CDH19: variants seen among roughly 807,000 people sequenced by gnomAD.
CDH19 encodes cadherin-19.
CDH19 carries 67 observed loss-of-function variants against 64.2 expected under a neutral mutation model. The ratio of observed to expected loss-of-function variants is 1.04; its 90% CI spans 0.86 to 1.28. CDH19 has a LOEUF of 1.28. CDH19 is among the 50% of genes most tolerant of loss of function. The pLI, the probability that CDH19 is intolerant of heterozygous loss-of-function variation, is 0.00. For synonymous variants in CDH19, 346 were observed against 319.3 expected (o/e 1.08, Z -0.89); for missense variants, 1,030 against 929.0 (o/e 1.11, Z -1.41).
At chr18:66,556,098 T>C (rs917009383) in intron 3 of CDH19, among the ~76,000 whole-genome samples, 4 of 151,854 alleles carry the variant, frequency 2.6e-5, no homozygotes, top group Non-Finnish European at 5.9e-5. Flanking sequence ...AAATATGTCA[T>C]ACAGTTAGGT....
chr18:66,556,462 CTCTA>C (rs1341107027), intron 3 of CDH19, among the ~76,000 whole-genome samples: 4 of 151,696 alleles, frequency 2.6e-5, no homozygotes, highest in Non-Finnish European at 2.9e-5. Flanking sequence ...TTATTTTATT[CTCTA>C]TCTTTCTATA....
At chr18:66,589,269 CAT>C (rs778023388) in intron 1 of CDH19, among the ~76,000 whole-genome samples, 21 of 149,014 alleles carry the variant, frequency 1.4e-4, no homozygotes, top group African/African-American at 3.9e-4. Context: ...TATATACACA[CAT>C]ATATATATAT....
chr18:66,507,619 A>G (rs1043877146), intron 11 of CDH19, among the ~76,000 whole-genome samples: 7 of 151,910 alleles, frequency 4.6e-5, no homozygotes, highest in Non-Finnish European at 1.0e-4. Flanking sequence ...GCTTATAAAA[A>G]CAGTGATAGC....
At position 66,565,132 on chromosome 18, in the gene CDH19, T is replaced by A. The variant is rs190982191; in HGVS notation, c.490+3284A>T. Among the ~76,000 whole-genome samples the A allele has an allele frequency of 1.4e-3, 209 of 152,050 alleles. 2 individuals carry two copies. Among genetic ancestry groups the A allele is most frequent in the Non-Finnish European group, 2.5e-3 (168 of 67,902 alleles). On this transcript the variant is annotated intron_variant, in intron 3 of 11. Coordinates refer to ENST00000262150, the MANE Select transcript of CDH19 (RefSeq NM_021153.4). Reference sequence around the variant, plus strand: ...CTATGACTTGTGGTCTAATAAATCTTATATTTTTGGATGGCAGAAAAATAG... The same window carrying A: ...CTATGACTTGTGGTCTAATAAATCTAATATTTTTGGATGGCAGAAAAATAG...
In CDH19 at chr18:66,503,198, A is replaced by G. The variant is rs1030365027; in HGVS notation, c.*1614T>C. On this transcript the variant is annotated 3_prime_UTR_variant, in exon 12 of 12. Coordinates refer to ENST00000262150, the MANE Select transcript of CDH19 (RefSeq NM_021153.4). The stretch of plus-strand genomic sequence containing the variant: ...CCTTGATTTGGATAGAATAATAAAG[A>G]TCATTCTTAAAAGGTCGATTAAAAT... 6.6e-5 allele frequency: 10 copies of G among 151,994 alleles called. No individual in the cohort carries two copies. The highest frequency in any genetic ancestry group is 2.4e-4 in the African/African-American group (10 of 41,558). The allele number at this position is 151,994 out of a possible 1,614,324, so 9.4% of individuals were successfully genotyped here. A position where few individuals can be genotyped will look rare whatever the true frequency, so the allele number is the denominator to read the frequency against.
chr18:66,577,694 A>T (rs1988305962), intron 1 of CDH19, among the ~76,000 whole-genome samples: 1 of 151,926 alleles, frequency 6.6e-6, no homozygotes, highest in Non-Finnish European at 1.5e-5. Flanking sequence ...TCTGTATCAG[A>T]TCCCATTGCT....
intron 5 of CDH19, among the ~76,000 whole-genome samples, chr18:66,549,953 G>T (rs1329012128): frequency 1.3e-5 from 2 of 152,040 alleles, no homozygotes; most frequent in African/African-American, 4.8e-5. Context: ...CATTAAAAAT[G>T]ACATGATTTC....
At chr18:66,591,070 T>G (rs570125247) in intron 1 of CDH19, among the ~76,000 whole-genome samples, 19 of 152,050 alleles carry the variant, frequency 1.2e-4, no homozygotes, top group African/African-American at 4.3e-4. Flanking sequence ...TGTACCTCCA[T>G]GATACCATAG....
At chr18:66,578,949 G>A (rs184413833) in intron 1 of CDH19, among the ~76,000 whole-genome samples, 6 of 152,054 alleles carry the variant, frequency 3.9e-5, no homozygotes, top group Non-Finnish European at 8.8e-5. Flanking sequence ...CATAGTGACT[G>A]AAATCAGACT....
intron 1 of CDH19, among the ~76,000 whole-genome samples, chr18:66,575,583 A>G (rs1194339973): frequency 6.6e-6 from 1 of 151,878 alleles, no homozygotes; most frequent in Non-Finnish European, 1.5e-5. Flanking sequence ...ACCAGGCCTG[A>G]ACAAATCACA....
chr18:66,510,522 T>C (rs915873492), intron 10 of CDH19, among the ~76,000 whole-genome samples: 3 of 147,242 alleles, frequency 2.0e-5, no homozygotes, highest in African/African-American at 7.4e-5. Flanking sequence ...TAAAATATAA[T>C]TTTTAACTTA....
chr18:66,572,028 A>G lies in CDH19; in HGVS notation c.177T>C (p.Thr59=). Residue 59 remains threonine (T), a synonymous_variant, in exon 2 of 12, where the codon ACT becomes ACC. Coordinates refer to ENST00000262150, the MANE Select transcript of CDH19 (RefSeq NM_021153.4). Reference sequence around the variant, plus strand: ...TAAGTACCTGGCCGATGTGATGACTAGTCGTATTCATTTCCTCTGGTACAA... The same window carrying G: ...TAAGTACCTGGCCGATGTGATGACTGGTCGTATTCATTTCCTCTGGTACAA... ...QFFVPEEMNT[T]SHHIGQLRSD... is the part of the protein sequence containing the mutation. 6.2e-7 allele frequency: 1 copy of G among 1,609,442 alleles called. No individual in the cohort carries two copies. The highest frequency in any genetic ancestry group is 8.5e-7 in the Non-Finnish European group (1 of 1,176,856).
chr18:66,598,604 T>C (rs887770045), intron 1 of CDH19, among the ~76,000 whole-genome samples: 1 of 152,136 alleles, frequency 6.6e-6, no homozygotes, highest in Non-Finnish European at 1.5e-5. Flanking sequence ...ATACTGCATG[T>C]TCTCACTTAT....
chr18:66,542,575 C>G (rs1380499951), intron 7 of CDH19, among the ~76,000 whole-genome samples: 3 of 152,116 alleles, frequency 2.0e-5, no homozygotes, highest in Non-Finnish European at 4.4e-5. Flanking sequence ...TGGCAAATAT[C>G]TGTTTAATTG....
Position 66,572,165 on chromosome 18 carries a change from G to T in CDH19, c.40C>A (p.Pro14Thr), listed in dbSNP as rs755628750. The change falls in exon 2 of 12, where the codon CCT becomes ACT. Residue 14 changes from proline to threonine, a missense_variant. Transcript: ENST00000262150. ...GCTCCAAGACAAGGCCATAGGAGAG[G>T]AATTCCCAACATAAAACGCAGCAGT... ...YLLLRFMLGI[P>T]LLWPCLGATE... is the part of the protein sequence containing the mutation. The T allele has an allele frequency of 3.1e-6, 5 of 1,611,138 alleles. No individual in the cohort carries two copies. Among genetic ancestry groups the T allele is most frequent in the Non-Finnish European group, 4.2e-6 (5 of 1,178,162 alleles).
chr18:66,537,204 A>G (rs1986707710), intron 7 of CDH19, among the ~76,000 whole-genome samples: 1 of 151,976 alleles, frequency 6.6e-6, no homozygotes, highest in Non-Finnish European at 1.5e-5. Flanking sequence ...AATCCAATGT[A>G]GAATCCAATA....
intron 7 of CDH19, among the ~76,000 whole-genome samples, chr18:66,539,543 T>C (rs1986807142): frequency 1.3e-5 from 2 of 152,116 alleles, no homozygotes; most frequent in South Asian, 4.1e-4. Flanking sequence ...TGGCTTTTCT[T>C]TTTTAATCTC....
chr18:66,517,988 A>C (rs1985813138), intron 9 of CDH19, among the ~76,000 whole-genome samples: 1 of 151,764 alleles, frequency 6.6e-6, no homozygotes, highest in Non-Finnish European at 1.5e-5. Context: ...ACTTTATTTT[A>C]TATGTACTTT....
rs1254714771 is a variant in CDH19, at chr18:66,505,296, A to G, written c.1835T>C (p.Ile612Thr). The G allele has an allele frequency of 6.4e-7, 1 of 1,550,498 alleles. No homozygotes were observed. ...TTGTTTTAAACCCAAAGTCAAAAAAATAAACCCTGATGAAGAAAGCACATC... is the reference window on the plus strand; with the variant it reads ...TTGTTTTAAACCCAAAGTCAAAAAAGTAAACCCTGATGAAGAAAGCACATC... Reference protein sequence around the residue: ...LICIMIIFGFIFLTLGLKQRR... With the variant: ...LICIMIIFGFTFLTLGLKQRR... The change falls in exon 12 of 12, where the codon ATT becomes ACT. Residue 612 changes from isoleucine (I) to threonine (T), a missense_variant. Coordinates refer to ENST00000262150, the MANE Select transcript of CDH19 (RefSeq NM_021153.4).
Sources: allele counts gnomAD v4.1 joint callset (sites outside exome capture counted in the v4.1 genomes callset), GRCh38; gene constraint gnomAD v4.1.1; transcripts MANE v1.5; gene names NCBI Gene and HGNC (gene_info 2026-07-23, HGNC 2026-07-21).